Variants in BMPR1A observed in about 807,000 individuals in gnomAD.
The protein encoded by BMPR1A is bone morphogenetic protein receptor type-1A.
BMPR1A carries 7 observed loss-of-function variants against 66.0 expected under a neutral mutation model. The observed-to-expected ratio is 0.11, with a 90% CI of 0.06 to 0.20. The LOEUF is 0.20. Among genes scored for constraint, BMPR1A ranks in the 10% least tolerant of loss-of-function variants. The pLI, the probability that BMPR1A is intolerant of heterozygous loss-of-function variation, is 1.00. For synonymous variants in BMPR1A, 200 were observed against 229.7 expected (o/e 0.87, Z 1.17); for missense variants, 408 against 669.1 (o/e 0.61, Z 4.31).
chr10:86,849,207 G>A (rs1022770619), intron 2 of BMPR1A, among the ~76,000 whole-genome samples: 6 of 152,142 alleles, frequency 3.9e-5, no homozygotes, highest in Admixed American at 2.6e-4. Context: ...AGGAAAAATC[G>A]TAATTGGTAA....
intron 2 of BMPR1A, among the ~76,000 whole-genome samples, chr10:86,850,837 C>G (rs1422051640): frequency 6.6e-6 from 1 of 152,116 alleles, no homozygotes; most frequent in African/African-American, 2.4e-5. Context: ...TTTTTAAAGA[C>G]AGCCCTTATA....
At position 86,778,761 on chromosome 10, in the gene BMPR1A, A is replaced by G. The variant is rs190732035; in HGVS notation, c.-268+21842A>G. Among the ~76,000 whole-genome samples, 410 of 150,296 alleles carry G rather than the reference A, an allele frequency of 2.7e-3. 4 individuals are homozygous for G. Among genetic ancestry groups the G allele is most frequent in the Admixed American group, 0.017 (264 of 15,122 alleles). The stretch of plus-strand genomic sequence containing the variant: ...TTCTCCCTGTCCCTCCCTTTCCTCT[A>G]CCCTTCCTATCCTCTGTTCTGTGTT... On this transcript the variant is annotated intron_variant, in intron 1 of 12. Transcript: ENST00000372037.
chr10:86,902,365 T>C (rs1388397355), intron 7 of BMPR1A, among the ~76,000 whole-genome samples: 1 of 146,840 alleles, frequency 6.8e-6, no homozygotes, highest in East Asian at 1.9e-4. Context: ...TATACTTTTC[T>C]TTTTTTGTTT....
In BMPR1A at chr10:86,802,683, T is replaced by C. The variant is rs541790636; in HGVS notation, c.-267-36182T>C. On this transcript the variant is annotated intron_variant, in intron 1 of 12. Transcript: ENST00000372037. ...ACTTCTCATTCATTAACCTCGAATG[T>C]TAGCTTTAATCAGTTTAGGAATTTG... Among the ~76,000 whole-genome samples the C allele has an allele frequency of 3.9e-5, 6 of 152,092 alleles. No individual in the cohort carries two copies. In the East Asian group the frequency reaches 1.2e-3, roughly 29 times the overall value.
At chr10:86,856,417 C>T (rs754303276) in intron 2 of BMPR1A, among the ~76,000 whole-genome samples, 32 of 152,168 alleles carry the variant, frequency 2.1e-4, no homozygotes, top group Non-Finnish European at 3.5e-4. Context: ...ACCTGGCCCA[C>T]GTTATCTTAA....
chr10:86,832,465 T>TAA lies in BMPR1A; in HGVS notation c.-267-6384_-267-6383dup, dbSNP rs72199985. ...TGGGCGACAAGAGCGAAACTCCGTC[T>TAA]AAAAAAAAAAAAAAAAAGAAATCAT... On this transcript the variant is annotated intron_variant, in intron 1 of 12. Coordinates refer to ENST00000372037, the MANE Select transcript of BMPR1A (RefSeq NM_004329.3). 1.0e-3 allele frequency among the ~76,000 whole-genome samples: 127 copies of TAA among 122,276 alleles called. 1 individual carries two copies. Among genetic ancestry groups the TAA allele is most frequent in the African/African-American group, 3.5e-3 (115 of 33,294 alleles). 80.2% of individuals were successfully genotyped at this position (122,276 alleles called of 152,430 possible).
chr10:86,894,892 G>A (rs10887665), intron 5 of BMPR1A, among the ~76,000 whole-genome samples: 5,982 of 152,254 alleles, frequency 0.039, 402 homozygotes, highest in African/African-American at 0.14. Flanking sequence ...ATAGTTTTAA[G>A]GGAATCAGTT....
intron 3 of BMPR1A, 150 bp from the exon 4 acceptor site, chr10:86,889,912 T>G (rs1184567217): frequency 1.2e-6 from 1 of 843,236 alleles, no homozygotes; most frequent in African/African-American, 1.7e-5. Context: ...TGTCTGTTTG[T>G]TGTATGAATG....
intron 3 of BMPR1A, among the ~76,000 whole-genome samples, chr10:86,885,968 A>T (rs1298728546): frequency 1.3e-5 from 2 of 152,192 alleles, no homozygotes; most frequent in Non-Finnish European, 2.9e-5. Context: ...GTGTATGGTC[A>T]TGTGTCTCTT....
chr10:86,757,225 A>T (rs1847888098), intron 1 of BMPR1A, among the ~76,000 whole-genome samples: 1 of 152,068 alleles, frequency 6.6e-6, no homozygotes, highest in South Asian at 2.1e-4. Context: ...GAATCCTTAA[A>T]TGGGAAAGGC....
At chr10:86,903,342 G>T (rs1350898658) in intron 7 of BMPR1A, among the ~76,000 whole-genome samples, 2 of 151,966 alleles carry the variant, frequency 1.3e-5, no homozygotes, top group Non-Finnish European at 2.9e-5. Context: ...GGCAGATTTT[G>T]TAAAAGACCA....
intron 5 of BMPR1A, among the ~76,000 whole-genome samples, chr10:86,899,313 G>A (rs1283775857): frequency 1.3e-5 from 2 of 152,222 alleles, no homozygotes; most frequent in Non-Finnish European, 2.9e-5. Context: ...TCTGTAGTTT[G>A]TCCTTCCCTC....
At chr10:86,888,072 C>T (rs140395204) in intron 3 of BMPR1A, among the ~76,000 whole-genome samples, 11 of 151,606 alleles carry the variant, frequency 7.3e-5, no homozygotes, top group South Asian at 2.1e-4. Flanking sequence ...CATTATATTA[C>T]GGAATTTATT....
intron 1 of BMPR1A, among the ~76,000 whole-genome samples, chr10:86,819,071 T>G (rs1842077404): frequency 6.6e-6 from 1 of 152,170 alleles, no homozygotes. Context: ...CAGCCACGTA[T>G]TAAACAGTAC....
At chr10:86,827,140 G>C (rs1842207268) in intron 1 of BMPR1A, among the ~76,000 whole-genome samples, 1 of 151,906 alleles carries the variant, frequency 6.6e-6, no homozygotes, top group Non-Finnish European at 1.5e-5. Flanking sequence ...CCTTCCCAGA[G>C]GTAACCATCC....
intron 7 of BMPR1A, among the ~76,000 whole-genome samples, chr10:86,904,762 A>G (rs1843360979): frequency 6.6e-6 from 1 of 152,184 alleles, no homozygotes; most frequent in South Asian, 2.1e-4. Flanking sequence ...ATGGACACTC[A>G]AGTGAGTGAC....
intron 2 of BMPR1A, among the ~76,000 whole-genome samples, chr10:86,873,052 T>G (rs1486803886): frequency 6.6e-6 from 1 of 152,196 alleles, no homozygotes; most frequent in Non-Finnish European, 1.5e-5. Context: ...TCCTTTCCTC[T>G]GAAAGGGAAA....
rs1843360952 is a variant in BMPR1A at position 86,904,761 on chromosome 10, C to G, written c.530+4635C>G. Among the ~76,000 whole-genome samples the G allele has an allele frequency of 2.0e-5, 3 of 152,294 alleles. No individual in the cohort carries two copies. The South Asian group carries it at 6.2e-4, about 32-fold the overall frequency. On this transcript the variant is annotated intron_variant, in intron 7 of 12. Transcript: ENST00000372037. ...ATCTGAGACTCAGGCCATGGACACTCAAGTGAGTGACCTATAACACTTCAC... is the reference window on the plus strand; with the variant it reads ...ATCTGAGACTCAGGCCATGGACACTGAAGTGAGTGACCTATAACACTTCAC...
At chr10:86,884,646 C>A (rs1843045058) in intron 3 of BMPR1A, among the ~76,000 whole-genome samples, 1 of 151,966 alleles carries the variant, frequency 6.6e-6, no homozygotes, top group South Asian at 2.1e-4. Flanking sequence ...AACTCCTGAC[C>A]TCAGGCAGTC....
Sources: allele counts gnomAD v4.1 joint callset (sites outside exome capture counted in the v4.1 genomes callset), GRCh38; gene constraint gnomAD v4.1.1; transcripts MANE v1.5; gene names NCBI Gene and HGNC (gene_info 2026-07-23, HGNC 2026-07-21).